MSRA: variants seen among roughly 807,000 people sequenced by gnomAD.
MSRA encodes methionine sulfoxide reductase A.
In MSRA, 54 loss-of-function variants were observed where a neutral mutation model predicts 31.3. The observed-to-expected ratio is 1.73, with a 90% CI of 1.39 to 2.17. The LOEUF (loss-of-function observed/expected upper bound fraction) is 2.17, where lower values mean the gene tolerates loss of function less well. MSRA is among the 30% of genes most tolerant of loss of function. The pLI is 0.00. For missense variants in MSRA, 507 were observed against 300.9 expected, an observed-to-expected ratio of 1.69 and a Z score of -5.07; for synonymous variants, 169 against 116.5, an observed-to-expected ratio of 1.45 and a Z score of -2.90.
intron 5 of MSRA, among the ~76,000 whole-genome samples, chr8:10,343,594 C>T (rs568518321): frequency 2.0e-5 from 3 of 152,242 alleles, no homozygotes; most frequent in Non-Finnish European, 2.9e-5. Flanking sequence ...CATGGGAGAG[C>T]TTAGTGAGGG....
intron 5 of MSRA, among the ~76,000 whole-genome samples, chr8:10,417,404 A>G (rs1177481009): frequency 8.0e-6 from 1 of 124,906 alleles, no homozygotes; most frequent in Non-Finnish European, 1.7e-5. Flanking sequence ...AGAAGCACTC[A>G]TCCCTTCGTC....
At chr8:10,226,567 T>C (rs904543019) in intron 2 of MSRA, among the ~76,000 whole-genome samples, 2 of 152,182 alleles carry the variant, frequency 1.3e-5, no homozygotes, top group African/African-American at 4.8e-5. Flanking sequence ...CTACCCACTC[T>C]AGTAGGGAAA....
At chr8:10,077,515 G>T (rs1282434331) in intron 1 of MSRA, among the ~76,000 whole-genome samples, 1 of 124,812 alleles carries the variant, frequency 8.0e-6, no homozygotes, top group Admixed American at 9.4e-5. Flanking sequence ...ATGAGACAGA[G>T]TCTCACTATG....
chr8:10,078,064 A>C (rs746270171), intron 1 of MSRA, among the ~76,000 whole-genome samples: 1 of 152,260 alleles, frequency 6.6e-6, no homozygotes, highest in Non-Finnish European at 1.5e-5. Flanking sequence ...TAAACACAAA[A>C]AATAAAAGTT....
chr8:10,102,152 T>C (rs774149528), intron 1 of MSRA, among the ~76,000 whole-genome samples: 1 of 152,194 alleles, frequency 6.6e-6, no homozygotes, highest in Non-Finnish European at 1.5e-5. Flanking sequence ...TCATTCACCT[T>C]CTTGAATATG....
At chr8:10,103,127 AAGG>A (rs1799646360) in intron 1 of MSRA, among the ~76,000 whole-genome samples, 1 of 152,188 alleles carries the variant, frequency 6.6e-6, no homozygotes, top group South Asian at 2.1e-4. Flanking sequence ...TTATTTTTAA[AAGG>A]AGAGAATACG....
chr8:10,251,661 T>C (rs1324400430), intron 3 of MSRA, among the ~76,000 whole-genome samples: 1 of 152,094 alleles, frequency 6.6e-6, no homozygotes, highest in Non-Finnish European at 1.5e-5. Context: ...ACCAAAGATA[T>C]CTGCTCACCC....
intron 1 of MSRA, among the ~76,000 whole-genome samples, chr8:10,132,435 C>T (rs1801963425): frequency 6.6e-6 from 1 of 152,132 alleles, no homozygotes; most frequent in Non-Finnish European, 1.5e-5. Flanking sequence ...AGCAGCATAC[C>T]GTAGGCTGGG....
chr8:10,262,541 G>A (rs1798536136), intron 3 of MSRA, among the ~76,000 whole-genome samples: 1 of 152,076 alleles, frequency 6.6e-6, no homozygotes, highest in Non-Finnish European at 1.5e-5. Flanking sequence ...TGGCTATTCA[G>A]ATCTTTTGCC....
intron 5 of MSRA, chr8:10,337,287 C>T (rs937329954): frequency 1.3e-5 from 2 of 159,036 alleles, no homozygotes; most frequent in African/African-American, 4.8e-5. Context: ...TCACGCCATT[C>T]TCCTGCCTCA....
In MSRA at chr8:10,328,027, A is replaced by ATTTTTTTTTTT. The variant is rs35940076; in HGVS notation, c.543+8053_543+8063dup. Reference sequence around the variant, plus strand: ...TAGTTTGAATACCATCTCTATGGTAATTTTTTTTTTTTTTTTTTTTTTTTT... The same window carrying ATTTTTTTTTTT: ...TAGTTTGAATACCATCTCTATGGTAATTTTTTTTTTTTTTTTTTTTTTTTTTTTTTTTTTTT... On this transcript the variant is annotated intron_variant, in intron 5 of 5. Coordinates refer to ENST00000317173, the MANE Select transcript of MSRA (RefSeq NM_012331.5). 1.1e-4 allele frequency among the ~76,000 whole-genome samples: 7 copies of ATTTTTTTTTTT among 65,332 alleles called. 1 individual carries two copies. Among genetic ancestry groups the ATTTTTTTTTTT allele is most frequent in the African/African-American group, 3.5e-4 (5 of 14,106 alleles). 42.9% of individuals were successfully genotyped at this position (65,332 alleles called of 152,430 possible). A position where few individuals can be genotyped will look rare whatever the true frequency, so the allele number is the denominator to read the frequency against.
chr8:10,336,084 T>A (rs1803024680), intron 5 of MSRA, among the ~76,000 whole-genome samples: 1 of 152,188 alleles, frequency 6.6e-6, no homozygotes. Context: ...CTCCTCCCTT[T>A]CTTCTCATTC....
chr8:10,414,053 G>A (rs965064022), intron 5 of MSRA, among the ~76,000 whole-genome samples: 1 of 152,124 alleles, frequency 6.6e-6, no homozygotes, highest in African/African-American at 2.4e-5. Context: ...TGTAGTCCCT[G>A]CTACTTGCGA....
intron 1 of MSRA, among the ~76,000 whole-genome samples, chr8:10,121,721 C>A (rs1801121352): frequency 6.6e-6 from 1 of 151,874 alleles, no homozygotes; most frequent in African/African-American, 2.4e-5. Context: ...CCTAGGCTGG[C>A]ATGCAGCGGT....
At chr8:10,113,754 G>T (rs1800469618) in intron 1 of MSRA, among the ~76,000 whole-genome samples, 1 of 151,428 alleles carries the variant, frequency 6.6e-6, no homozygotes, top group Non-Finnish European at 1.5e-5. Flanking sequence ...AAGCAGCCCA[G>T]GTATTTGCAT....
At chr8:10,115,955 T>C (rs1463951482) in intron 1 of MSRA, among the ~76,000 whole-genome samples, 4 of 152,210 alleles carry the variant, frequency 2.6e-5, no homozygotes, top group African/African-American at 9.6e-5. Flanking sequence ...AGGGCCAGAA[T>C]AGTTGCCGTC....
chr8:10,100,545 A>C (rs1241249943), intron 1 of MSRA, among the ~76,000 whole-genome samples: 1 of 152,130 alleles, frequency 6.6e-6, no homozygotes, highest in Non-Finnish European at 1.5e-5. Flanking sequence ...GGATGTGATC[A>C]GAAGTGTTCT....
At chr8:10,267,368 G>A (rs1314686672) in intron 3 of MSRA, among the ~76,000 whole-genome samples, 1 of 152,176 alleles carries the variant, frequency 6.6e-6, no homozygotes, top group Non-Finnish European at 1.5e-5. Flanking sequence ...AGCAACTCGT[G>A]GAGGGAAGGA....
At chr8:10,402,093 G>A (rs1008088870) in intron 5 of MSRA, among the ~76,000 whole-genome samples, 1 of 152,172 alleles carries the variant, frequency 6.6e-6, no homozygotes, top group Non-Finnish European at 1.5e-5. Flanking sequence ...TGTAAAGGAA[G>A]GCAGGCAGAC....
Sources: gnomAD v4.1 joint callset for allele counts (sites outside exome capture counted in the v4.1 genomes callset) on GRCh38, gnomAD v4.1.1 for gene constraint, MANE v1.5 for transcripts, NCBI Gene and HGNC (gene_info 2026-07-23, HGNC 2026-07-21) for gene names.